FBXL13: variants seen among roughly 807,000 people sequenced by gnomAD.
FBXL13 encodes F-box and leucine rich repeat protein 13, also known as F-box and leucine-rich repeat protein 13.
FBXL13 carries 67 observed loss-of-function variants against 83.6 expected under a neutral mutation model. The ratio of observed to expected loss-of-function variants is 0.80; its 90% CI spans 0.66 to 0.98. FBXL13 has a LOEUF of 0.98. FBXL13 is among the 50% of genes least tolerant of loss of function. The pLI is 0.00. For missense variants in FBXL13, 822 were observed against 866.5 expected (o/e 0.95, Z 0.64); for synonymous variants, 272 against 299.5 (o/e 0.91, Z 0.95).
At chr7:102,813,292 A>AAAACTT (rs769974294) in exon 20 of FBXL13, 1 of 1,528,078 alleles carries the variant, frequency 6.5e-7, no homozygotes, top group Non-Finnish European at 8.8e-7. Context: ...ACAAATGGAG[A>AAAACTT]AAACTTGCCA....
chr7:102,849,597 T>C (rs182788955), intron 17 of FBXL13, among the ~76,000 whole-genome samples: 43 of 152,342 alleles, frequency 2.8e-4, no homozygotes, highest in Admixed American at 2.8e-3. Context: ...AATCTAAACA[T>C]CTCAATTTAC....
At chr7:102,895,581 G>A (rs982587919) in intron 11 of FBXL13, among the ~76,000 whole-genome samples, 5 of 152,202 alleles carry the variant, frequency 3.3e-5, no homozygotes, top group Admixed American at 2.6e-4. Context: ...ATGTCTGGTT[G>A]TTCCATGCCT....
At chr7:103,017,821 T>C (rs929081072) in intron 6 of FBXL13, among the ~76,000 whole-genome samples, 2 of 151,984 alleles carry the variant, frequency 1.3e-5, no homozygotes, top group African/African-American at 2.4e-5. Flanking sequence ...AAATATGGGA[T>C]TATGTGAAAA....
intron 16 of FBXL13, among the ~76,000 whole-genome samples, chr7:102,866,318 C>G (rs1444024213): frequency 2.0e-5 from 3 of 152,116 alleles, no homozygotes; most frequent in Non-Finnish European, 4.4e-5. Context: ...TTGCTAGAAA[C>G]AGGAGACAAT....
rs1274224882 is a variant in FBXL13 at position 102,931,125 on chromosome 7, A to C, written c.777+756T>G. ...TAAGACTTAAAGCTTGATAAAGAGG[A>C]AAGCACCACTTGGGGACAAAGGGAA... On this transcript the variant is annotated intron_variant, in intron 9 of 19. Coordinates refer to ENST00000313221, the Ensembl canonical transcript of FBXL13. Among the ~76,000 whole-genome samples the C allele has an allele frequency of 3.9e-5, 6 of 152,204 alleles. No homozygotes were observed. In the East Asian group the frequency reaches 1.2e-3, roughly 29 times the overall value.
intron 17 of FBXL13, among the ~76,000 whole-genome samples, chr7:102,851,750 G>GT (rs1007989171): frequency 2.6e-5 from 4 of 152,108 alleles, no homozygotes; most frequent in African/African-American, 7.2e-5. Flanking sequence ...TGACTTTGGG[G>GT]TTTTTTCTAA....
At chr7:103,032,176 T>TA (rs964400407) in intron 2 of FBXL13, among the ~76,000 whole-genome samples, 3 of 152,090 alleles carry the variant, frequency 2.0e-5, no homozygotes, top group Admixed American at 6.6e-5. Flanking sequence ...AACCCAGTCC[T>TA]AAAAAAATAG....
At chr7:103,024,561 C>T (rs1793634860) in intron 6 of FBXL13, among the ~76,000 whole-genome samples, 2 of 148,096 alleles carry the variant, frequency 1.4e-5, no homozygotes, top group Non-Finnish European at 3.0e-5. Flanking sequence ...AATTCTGTCA[C>T]CAGAAGACTC....
chr7:102,976,330 A>C, intron 6 of FBXL13: 2 of 625,016 alleles, frequency 3.2e-6, no homozygotes, highest in African/African-American at 3.6e-5. Flanking sequence ...TATTGTGGAA[A>C]TTGATGAACA....
chr7:103,024,430 G>A (rs1793610432), intron 6 of FBXL13, among the ~76,000 whole-genome samples: 1 of 150,850 alleles, frequency 6.6e-6, no homozygotes, highest in African/African-American at 2.4e-5. Context: ...TGGAGGCTGA[G>A]GCTGGAGAAT....
chr7:102,964,422 A>T (rs1192855926), intron 7 of FBXL13, among the ~76,000 whole-genome samples: 2 of 142,892 alleles, frequency 1.4e-5, no homozygotes, highest in Non-Finnish European at 3.0e-5. Context: ...TTTTTTTTCC[A>T]GACTGAGTCT....
intron 6 of FBXL13, 28 bp from the exon 8 acceptor site, chr7:102,968,145 T>A: frequency 4.0e-6 from 6 of 1,490,676 alleles, no homozygotes; most frequent in Non-Finnish European, 5.6e-6. Context: ...TACACAACTT[T>A]GAAAAATGTG....
Position 103,024,278 on chromosome 7 carries a change from G to C in FBXL13, c.495+785C>G, listed in dbSNP as rs542853334. Among the ~76,000 whole-genome samples, 7 of 151,836 alleles carry C rather than the reference G, an allele frequency of 4.6e-5. No homozygotes were observed. The South Asian group carries it at 1.5e-3, about 32-fold the overall frequency. ...GTGGTGGTTCATGCCTGTAATCCCA[G>C]CACTTTGGGAGGCCAAGGTGGGTGG... On this transcript the variant is annotated intron_variant, in intron 6 of 19. Coordinates refer to ENST00000313221, the Ensembl canonical transcript of FBXL13.
intron 6 of FBXL13, among the ~76,000 whole-genome samples, chr7:103,001,161 A>G (rs536263400): frequency 4.6e-5 from 7 of 151,414 alleles, no homozygotes; most frequent in Non-Finnish European, 1.0e-4. Flanking sequence ...GGGTTTCACC[A>G]TGTTGCCCAG....
chr7:102,912,923 G>A (rs961201905), intron 11 of FBXL13, 163 bp downstream of exon 12: 27 of 874,076 alleles, frequency 3.1e-5, no homozygotes, highest in South Asian at 2.0e-4. Flanking sequence ...CTATAATAGC[G>A]ATCCTGGGGA....
chr7:102,840,550 G>A (rs2129449061), intron 17 of FBXL13, among the ~76,000 whole-genome samples: 1 of 152,268 alleles, frequency 6.6e-6, no homozygotes, highest in East Asian at 1.9e-4. Context: ...TCTTTCCCAA[G>A]AAAATGACAA....
intron 11 of FBXL13, among the ~76,000 whole-genome samples, chr7:102,905,967 A>G (rs569515257): frequency 1.4e-4 from 21 of 152,294 alleles, no homozygotes; most frequent in African/African-American, 5.1e-4. Flanking sequence ...GACTGGGAAG[A>G]AAAAGAGGTT....
chr7:102,963,298 G>A lies in FBXL13; in HGVS notation c.724+235C>T, dbSNP rs529123823. Among the ~76,000 whole-genome samples, 502 of 150,920 alleles carry A rather than the reference G, an allele frequency of 3.3e-3. 4 individuals carry two copies. Among genetic ancestry groups the A allele is most frequent in the African/African-American group, 0.012 (481 of 41,186 alleles). On this transcript the variant is annotated intron_variant, in intron 8 of 19. Transcript: ENST00000313221. Reference sequence around the variant, plus strand: ...ATCGCACCACTGCACTCCAGCCTGGGAGACAGAGTGAGACTCCATCTCAAA... The same window carrying A: ...ATCGCACCACTGCACTCCAGCCTGGAAGACAGAGTGAGACTCCATCTCAAA...
intron 6 of FBXL13, among the ~76,000 whole-genome samples, chr7:103,021,321 C>G (rs1332773430): frequency 6.6e-6 from 1 of 152,158 alleles, no homozygotes; most frequent in South Asian, 2.1e-4. Flanking sequence ...ACACCTTATA[C>G]AAAAATTAAT....
Sources: gnomAD v4.1 joint callset for allele counts (sites outside exome capture counted in the v4.1 genomes callset) on GRCh38, gnomAD v4.1.1 for gene constraint, MANE v1.5 for transcripts, NCBI Gene and HGNC (gene_info 2026-07-23, HGNC 2026-07-21) for gene names.